SGCZ: variants seen among roughly 807,000 people sequenced by gnomAD.
The protein encoded by SGCZ is zeta-sarcoglycan.
Under a neutral mutation model 41.3 loss-of-function variants are expected in SGCZ, and 40 were observed. That is an observed-to-expected ratio of 0.97 (90% CI 0.75 to 1.26). The LOEUF is 1.26. SGCZ is among the 50% of genes most tolerant of loss of function. The pLI is 0.00. For synonymous variants in SGCZ, 206 were observed against 137.5 expected (o/e 1.50, Z -3.49); for missense variants, 552 against 369.8 (o/e 1.49, Z -4.04).
intron 2 of SGCZ, among the ~76,000 whole-genome samples, chr8:14,436,740 T>A (rs956523255): frequency 2.6e-5 from 4 of 152,210 alleles, no homozygotes; most frequent in African/African-American, 9.6e-5. Flanking sequence ...ACCTGTTTTT[T>A]AATGACAAGT....
intron 2 of SGCZ, among the ~76,000 whole-genome samples, chr8:14,553,253 T>C (rs1050530461): frequency 6.6e-6 from 1 of 151,984 alleles, no homozygotes. Context: ...GAGGGTAAAG[T>C]GAGCCAACTC....
intron 1 of SGCZ, among the ~76,000 whole-genome samples, chr8:15,123,559 G>A (rs185817128): frequency 1.3e-5 from 2 of 152,224 alleles, no homozygotes; most frequent in East Asian, 1.9e-4. Flanking sequence ...AAGTTATTAC[G>A]ATTTGATCAA....
intron 1 of SGCZ, among the ~76,000 whole-genome samples, chr8:14,638,037 TA>T (rs1806891830): frequency 6.6e-6 from 1 of 151,874 alleles, no homozygotes; most frequent in Non-Finnish European, 1.5e-5. Flanking sequence ...TATTTCATTG[TA>T]GTTTGATTTG....
intron 3 of SGCZ, among the ~76,000 whole-genome samples, chr8:14,256,307 G>A (rs9886428): frequency 0.38 from 58,249 of 151,870 alleles, 12,557 homozygotes; most frequent in Non-Finnish European, 0.5. Flanking sequence ...TTGCCATATA[G>A]TCATTGGCTC....
intron 2 of SGCZ, among the ~76,000 whole-genome samples, chr8:14,407,708 GA>G (rs1799249568): frequency 6.6e-6 from 1 of 152,150 alleles, no homozygotes; most frequent in Non-Finnish European, 1.5e-5. Flanking sequence ...ATATGAATGA[GA>G]AGATTCCCAT....
chr8:14,611,725 G>C (rs911311653), intron 1 of SGCZ, among the ~76,000 whole-genome samples: 1 of 152,076 alleles, frequency 6.6e-6, no homozygotes, highest in African/African-American at 2.4e-5. Context: ...ATATGTAGTT[G>C]AAATCCTAAT....
At chr8:14,327,068 G>A (rs1326014356) in intron 2 of SGCZ, among the ~76,000 whole-genome samples, 1 of 152,214 alleles carries the variant, frequency 6.6e-6, no homozygotes, top group Non-Finnish European at 1.5e-5. Flanking sequence ...CAGAAGTGGG[G>A]TTGGGTTACC....
chr8:14,972,410 G>A (rs1201577302), intron 1 of SGCZ, among the ~76,000 whole-genome samples: 1 of 151,948 alleles, frequency 6.6e-6, no homozygotes, highest in Middle Eastern at 3.2e-3. Context: ...TTTTTAATGT[G>A]TGTTTCTTGT....
At chr8:14,912,211 G>C (rs1298077451) in intron 1 of SGCZ, among the ~76,000 whole-genome samples, 1 of 152,002 alleles carries the variant, frequency 6.6e-6, no homozygotes, top group Non-Finnish European at 1.5e-5. Context: ...CTTCTCAGAA[G>C]ATTACACACA....
intron 1 of SGCZ, among the ~76,000 whole-genome samples, chr8:14,742,001 T>C (rs563534877): frequency 6.6e-6 from 1 of 152,182 alleles, no homozygotes; most frequent in East Asian, 1.9e-4. Context: ...TAAAGCATAA[T>C]TATTTAAGGC....
chr8:14,910,111 G>C (rs1019424970), intron 1 of SGCZ, among the ~76,000 whole-genome samples: 2 of 151,906 alleles, frequency 1.3e-5, no homozygotes, highest in Non-Finnish European at 2.9e-5. Flanking sequence ...CACCTTATTT[G>C]AGATGTTGCA....
rs544109205 is a variant in SGCZ at position 14,954,580 on chromosome 8, C to A, written c.39+283005G>T. Among the ~76,000 whole-genome samples, 389 of 152,226 alleles carry A rather than the reference C, an allele frequency of 2.6e-3. 3 individuals carry two copies. Among genetic ancestry groups the A allele is most frequent in the African/African-American group, 9.1e-3 (376 of 41,538 alleles). On this transcript the variant is annotated intron_variant, in intron 1 of 7. Transcript: ENST00000382080. Reference sequence around the variant, plus strand: ...CACAGACTCTCTTTATCAATGTACTCCCCTACTGGCTTTGATGGAGCAAGG... The same window carrying A: ...CACAGACTCTCTTTATCAATGTACTACCCTACTGGCTTTGATGGAGCAAGG...
At chr8:14,517,176 A>C (rs1301799744) in intron 2 of SGCZ, among the ~76,000 whole-genome samples, 1 of 151,948 alleles carries the variant, frequency 6.6e-6, no homozygotes, top group Non-Finnish European at 1.5e-5. Flanking sequence ...ATGTGACATG[A>C]GGGGATGATG....
At chr8:14,321,371 G>A (rs1378003641) in intron 3 of SGCZ, among the ~76,000 whole-genome samples, 1 of 152,070 alleles carries the variant, frequency 6.6e-6, no homozygotes, top group Non-Finnish European at 1.5e-5. Flanking sequence ...TTAAAAGTCT[G>A]TAGATATTTA....
chr8:15,141,827 G>A (rs1808331322), intron 1 of SGCZ, among the ~76,000 whole-genome samples: 1 of 151,822 alleles, frequency 6.6e-6, no homozygotes, highest in African/African-American at 2.4e-5. Flanking sequence ...CTTGAACCCA[G>A]GAAGCGGAGA....
At chr8:14,206,637 G>A (rs1805624903) in intron 4 of SGCZ, among the ~76,000 whole-genome samples, 3 of 152,228 alleles carry the variant, frequency 2.0e-5, no homozygotes, top group Middle Eastern at 3.4e-3. Context: ...TTTATAGAAC[G>A]ATGTTCACTA....
intron 1 of SGCZ, among the ~76,000 whole-genome samples, chr8:14,779,295 T>TAA (rs1321841599): frequency 1.3e-5 from 2 of 152,298 alleles, no homozygotes; most frequent in African/African-American, 4.8e-5. Context: ...CTGCGGCAAA[T>TAA]CAGTTGCCAT....
chr8:14,112,624 T>G (rs1802410041), intron 5 of SGCZ, among the ~76,000 whole-genome samples: 1 of 152,156 alleles, frequency 6.6e-6, no homozygotes, highest in African/African-American at 2.4e-5. Flanking sequence ...AAATCTAGAT[T>G]AAGCTGGGAA....
chr8:14,849,668 G>C (rs1803249093), intron 1 of SGCZ, among the ~76,000 whole-genome samples: 1 of 152,138 alleles, frequency 6.6e-6, no homozygotes, highest in African/African-American at 2.4e-5. Flanking sequence ...GAGTGGTTCT[G>C]AGGAAGTATC....
Sources: gnomAD v4.1 joint callset for allele counts (sites outside exome capture counted in the v4.1 genomes callset) on GRCh38, gnomAD v4.1.1 for gene constraint, MANE v1.5 for transcripts, NCBI Gene and HGNC (gene_info 2026-07-23, HGNC 2026-07-21) for gene names.